KLB: variants seen among roughly 807,000 people sequenced by gnomAD.
The protein encoded by KLB is klotho beta.
In KLB, 44 loss-of-function variants were observed where a neutral mutation model predicts 88.4. The observed-to-expected ratio is 0.50, with a 90% CI of 0.39 to 0.64. The LOEUF (loss-of-function observed/expected upper bound fraction) is 0.64, where lower values mean the gene tolerates loss of function less well. KLB is among the 30% of genes least tolerant of loss of function. KLB has a pLI of 0.00. For missense variants in KLB, 1,137 were observed against 1,304.8 expected (o/e 0.87, Z 1.98); for synonymous variants, 548 against 513.4 (o/e 1.07, Z -0.91).
At chr4:39,413,496 G>A (rs1292996690) in intron 1 of KLB, among the ~76,000 whole-genome samples, 1 of 152,030 alleles carries the variant, frequency 6.6e-6, no homozygotes, top group Non-Finnish European at 1.5e-5. Context: ...GATCCCTTGA[G>A]CCCAGGAGTT....
intron 1 of KLB, among the ~76,000 whole-genome samples, chr4:39,421,240 G>C (rs1460177471): frequency 6.6e-6 from 1 of 152,150 alleles, no homozygotes; most frequent in Admixed American, 6.6e-5. Context: ...AATAAATAAA[G>C]TAAATGGATG....
chr4:39,424,057 G>T (rs1047411261), intron 1 of KLB, among the ~76,000 whole-genome samples: 1 of 151,650 alleles, frequency 6.6e-6, no homozygotes, highest in Non-Finnish European at 1.5e-5. Flanking sequence ...AATAAATTAT[G>T]ATAGTTATTT....
chr4:39,448,668 C>CA lies in KLB; in HGVS notation c.3119dup (p.Arg1041GlufsTer4), dbSNP rs977696319. 6.2e-7 allele frequency: 1 copy of CA among 1,609,578 alleles called. No homozygotes were observed. The highest frequency in any genetic ancestry group is 1.3e-5 in the African/African-American group (1 of 74,956). On this transcript the variant is annotated frameshift_variant, in exon 5 of 5. Transcript: ENST00000257408. LOFTEE classifies it high-confidence loss of function. ...TACAACACATACCATTAAAGAAAGGCAAGAGAGTTGTTAGCTAAACTGATC... is the reference window on the plus strand; with the variant it reads ...TACAACACATACCATTAAAGAAAGGCAAAGAGAGTTGTTAGCTAAACTGATC...
intron 3 of KLB, among the ~76,000 whole-genome samples, chr4:39,445,016 T>C (rs1743704662): frequency 6.6e-6 from 1 of 152,260 alleles, no homozygotes; most frequent in South Asian, 2.1e-4. Flanking sequence ...AAACAAGTAC[T>C]TAACTTTTAC....
chr4:39,409,335 C>G (rs1219142432), intron 1 of KLB, among the ~76,000 whole-genome samples: 1 of 150,804 alleles, frequency 6.6e-6, no homozygotes, highest in African/African-American at 2.4e-5. Flanking sequence ...CTCTGTCACC[C>G]AGGCTGGAGT....
rs1448514360 is a variant in KLB, at chr4:39,407,519, A to G, written c.570A>G (p.Ile190Met). ...TAGTGCTTAGAAACATTGAACCTAT[A>G]GTTACTTTATACCACTGGGATTTGC... ...DALVLRNIEP[I>M]VTLYHWDLPL... Residue 190 changes from isoleucine (I) to methionine (M), a missense_variant, in exon 1 of 5, where the codon ATA (isoleucine) becomes ATG (methionine). Physicochemically the swap from Ile to Met is conservative, Grantham distance 10 (BLOSUM62 1). Around this residue, in one of 4 missense-constraint regions of KLB, gnomAD observed 597 missense variants for 765.2 expected, o/e 0.78. Transcript: ENST00000257408. The G allele has an allele frequency of 6.2e-7, 1 of 1,614,046 alleles. No individual in the cohort carries two copies. Among genetic ancestry groups the G allele is most frequent in the African/African-American group, 1.3e-5 (1 of 74,936 alleles).
intron 3 of KLB, among the ~76,000 whole-genome samples, chr4:39,444,135 C>G (rs757213015): frequency 6.6e-6 from 1 of 152,064 alleles, no homozygotes; most frequent in Non-Finnish European, 1.5e-5. Context: ...CCAGCCTGGG[C>G]GACAAGAACA....
intron 1 of KLB, among the ~76,000 whole-genome samples, chr4:39,419,894 A>G (rs1743043215): frequency 6.6e-6 from 1 of 150,522 alleles, no homozygotes; most frequent in African/African-American, 2.4e-5. Context: ...CAGTGAGCCA[A>G]GATCGTGCCA....
chr4:39,413,225 G>T (rs1742893265), intron 1 of KLB, among the ~76,000 whole-genome samples: 2 of 152,222 alleles, frequency 1.3e-5, no homozygotes, highest in South Asian at 4.2e-4. Context: ...AGCCCCAAGG[G>T]TTCACATTAG....
chr4:39,434,351 A>G lies in KLB; in HGVS notation c.967A>G (p.Met323Val), dbSNP rs142460141. 367 of 1,614,026 alleles carry G rather than the reference A, an allele frequency of 2.3e-4. 1 individual carries two copies. The highest frequency in any genetic ancestry group is 3.0e-4 in the Non-Finnish European group (355 of 1,180,030). Residue 323 changes from methionine (M) to valine (V), a missense_variant, in exon 2 of 5, where the codon ATG becomes GTG. Physicochemically the swap from Met to Val is conservative, Grantham distance 21. Transcript: ENST00000257408. ...GGATATATTCAAATGTCAACAATCC[A>G]TGGTTTCTGTGCTTGGATGGTTTGC... is the stretch of plus-strand genomic sequence containing the variant. Reference protein sequence around the residue: ...TMDIFKCQQSMVSVLGWFANP... With the variant: ...TMDIFKCQQSVVSVLGWFANP...
At chr4:39,438,097 T>G in intron 3 of KLB, 102 bp downstream of exon 3, 1 of 1,079,962 alleles carries the variant, frequency 9.3e-7, no homozygotes, top group Non-Finnish European at 1.3e-6. Context: ...CAATATCAAA[T>G]ACCACAATTG....
chr4:39,428,691 A>G (rs1743273980), intron 1 of KLB, among the ~76,000 whole-genome samples: 1 of 152,164 alleles, frequency 6.6e-6, no homozygotes. Flanking sequence ...TTTATTTCTT[A>G]AATTTTTATT....
At position 39,448,812 on chromosome 4, in the gene KLB, A is replaced by G; in HGVS notation, c.*126A>G. 1 of 900,570 alleles carries G rather than the reference A, an allele frequency of 1.1e-6. No homozygotes were observed. Among genetic ancestry groups the G allele is most frequent in the Non-Finnish European group, 1.7e-6 (1 of 595,882 alleles). 55.8% of individuals were successfully genotyped at this position (900,570 alleles called of 1,614,324 possible). A position where few individuals can be genotyped will look rare whatever the true frequency, so the allele number is the denominator to read the frequency against. The stretch of plus-strand genomic sequence containing the variant: ...ATACAGCTGTAACCAAGGTGATGAC[A>G]ATTGTCTCTGCTGTGTGGTTCAAAG... On this transcript the variant is annotated 3_prime_UTR_variant, in exon 5 of 5. Coordinates refer to ENST00000257408, the MANE Select transcript of KLB (RefSeq NM_175737.4).
chr4:39,446,839 G>A lies in KLB; in HGVS notation c.2113G>A (p.Gly705Ser), dbSNP rs372177724. 27 of 1,612,476 alleles carry A rather than the reference G, an allele frequency of 1.7e-5. No homozygotes were observed. The African/African-American group carries it at 3.2e-4, about 19-fold the overall frequency. The change falls in exon 4 of 5, where the codon GGC becomes AGC. Residue 705 changes from glycine to serine, a missense_variant. Around this residue, in one of 4 missense-constraint regions of KLB, gnomAD observed 597 missense variants for 765.2 expected, o/e 0.78. Transcript: ENST00000257408. The surrounding 1 kb of genome is among the most constrained non-coding windows in gnomAD (Gnocchi z 6.4). ...GCTAAGTGACATCTACAACCGCTCT[G>A]GCAACGACACCTACGGGGCGGCGCA... ...NRLSDIYNRS[G>S]NDTYGAAHNL... is the part of the protein sequence containing the mutation.
intron 1 of KLB, among the ~76,000 whole-genome samples, chr4:39,419,078 A>G (rs1199771058): frequency 6.6e-6 from 1 of 152,138 alleles, no homozygotes; most frequent in Non-Finnish European, 1.5e-5. Context: ...AATTTCTATA[A>G]CCAGAATACC....
At chr4:39,447,929 C>G (rs1427281026) in intron 4 of KLB, among the ~76,000 whole-genome samples, 2 of 152,172 alleles carry the variant, frequency 1.3e-5, no homozygotes, top group East Asian at 3.8e-4. Context: ...AACTGTGATT[C>G]CTGGGCTGCA....
intron 4 of KLB, among the ~76,000 whole-genome samples, chr4:39,447,963 A>C (rs564104797): frequency 6.6e-6 from 1 of 152,332 alleles, no homozygotes; most frequent in East Asian, 1.9e-4. Flanking sequence ...TGAGGTTCAC[A>C]ATCAGGCCAA....
intron 3 of KLB, among the ~76,000 whole-genome samples, chr4:39,442,932 A>C (rs1743645942): frequency 6.6e-6 from 1 of 152,180 alleles, no homozygotes; most frequent in Non-Finnish European, 1.5e-5. Context: ...ATAGATTAAA[A>C]AAATCTTTGA....
At chr4:39,421,671 C>T (rs898315074) in intron 1 of KLB, among the ~76,000 whole-genome samples, 2 of 151,996 alleles carry the variant, frequency 1.3e-5, no homozygotes, top group Non-Finnish European at 2.9e-5. Context: ...AGGAGAATTG[C>T]TTGAATCTGG....
Sources: allele counts gnomAD v4.1 joint callset (sites outside exome capture counted in the v4.1 genomes callset), GRCh38; gene constraint gnomAD v4.1.1; regional missense constraint gnomAD v4.1.1; non-coding constraint Gnocchi (gnomAD v3.1); transcripts MANE v1.5; gene names NCBI Gene and HGNC (gene_info 2026-07-23, HGNC 2026-07-21).